Variants in NBEAL1 observed in about 807,000 individuals in gnomAD.
NBEAL1 encodes neurobeachin-like protein 1.
NBEAL1 carries 273 observed loss-of-function variants against 351.3 expected under a neutral mutation model. The observed-to-expected ratio is 0.78, with a 90% confidence interval of 0.70 to 0.86. The LOEUF is 0.86. NBEAL1 is among the 40% of genes least tolerant of loss of function. The pLI is 0.00. For synonymous variants in NBEAL1, 1,050 were observed against 1,086.4 expected, an observed-to-expected ratio of 0.97 and a Z score of 0.66; for missense variants, 2,961 against 3,201.3, an observed-to-expected ratio of 0.92 and a Z score of 1.81.
chr2:203,114,272 T>C (rs1300753195), intron 17 of NBEAL1, among the ~76,000 whole-genome samples: 1 of 152,094 alleles, frequency 6.6e-6, no homozygotes, highest in Non-Finnish European at 1.5e-5. Flanking sequence ...GGGGACATAG[T>C]CAGTCCATAA....
chr2:203,056,914 G>A (rs1017008501), intron 5 of NBEAL1, among the ~76,000 whole-genome samples: 10 of 152,132 alleles, frequency 6.6e-5, no homozygotes, highest in African/African-American at 1.2e-4. Flanking sequence ...ATTTTCAGAC[G>A]AGGTAATAAT....
intron 25 of NBEAL1, among the ~76,000 whole-genome samples, chr2:203,131,071 A>G (rs1395252762): frequency 6.6e-6 from 1 of 152,226 alleles, no homozygotes; most frequent in Non-Finnish European, 1.5e-5. Context: ...TGCAAACTAC[A>G]TGGTTTGTTT....
chr2:203,211,974 G>T (rs555610053), intron 54 of NBEAL1, among the ~76,000 whole-genome samples: 40 of 152,070 alleles, frequency 2.6e-4, no homozygotes, highest in African/African-American at 9.4e-4. Context: ...TGCAGCCTCT[G>T]CCTCCAGGTT....
Position 203,136,630 on chromosome 2 carries a change from C to G in NBEAL1, c.4421C>G (p.Thr1474Arg), listed in dbSNP as rs1160190717. The change falls in exon 29 of 56, where the codon ACA becomes AGA. Residue 1474 changes from threonine (T) to arginine (R), a missense_variant. Coordinates refer to ENST00000683969, the MANE Select transcript of NBEAL1 (RefSeq NM_001378026.1). ...RCEEELLQLL[T>R]HILNYVMCKG... ...GAGGAGGAGCTTCTTCAATTACTGA[C>G]ACATATTTTGAATTATGTAATGTGT... 1 of 1,610,726 alleles carries G rather than the reference C, an allele frequency of 6.2e-7. No homozygotes were observed. The highest frequency in any genetic ancestry group is 1.1e-5 in the South Asian group (1 of 90,388).
intron 2 of NBEAL1, among the ~76,000 whole-genome samples, chr2:203,026,796 A>G (rs1457996899): frequency 1.3e-5 from 2 of 152,220 alleles, no homozygotes; most frequent in Non-Finnish European, 2.9e-5. Flanking sequence ...TACAGGCGTG[A>G]GCCACAGCCA....
At chr2:203,104,252 T>G (rs1466933975) in intron 12 of NBEAL1, among the ~76,000 whole-genome samples, 2 of 152,248 alleles carry the variant, frequency 1.3e-5, no homozygotes, top group African/African-American at 2.4e-5. Flanking sequence ...TATATATATT[T>G]AAGATAGTTA....
intron 42 of NBEAL1, among the ~76,000 whole-genome samples, chr2:203,178,988 T>C (rs2064613442): frequency 6.6e-6 from 1 of 152,250 alleles, no homozygotes; most frequent in South Asian, 2.1e-4. Flanking sequence ...TGAAATGTTT[T>C]AGATGGTCAG....
At chr2:203,171,131 G>A (rs1414825565) in intron 39 of NBEAL1, among the ~76,000 whole-genome samples, 1 of 152,002 alleles carries the variant, frequency 6.6e-6, no homozygotes, top group Non-Finnish European at 1.5e-5. Flanking sequence ...GGTGGTGGGT[G>A]CCTGTAATCC....
chr2:203,096,442 G>A (rs1019277810), intron 10 of NBEAL1, among the ~76,000 whole-genome samples: 1 of 152,072 alleles, frequency 6.6e-6, no homozygotes, highest in Admixed American at 6.6e-5. Context: ...TCCTTAGCAT[G>A]CTCTTAATAA....
At chr2:203,209,707 AT>A in intron 53 of NBEAL1, among the ~76,000 whole-genome samples, 2 of 47,814 alleles carry the variant, frequency 4.2e-5, no homozygotes, top group Admixed American at 2.2e-4. Flanking sequence ...TATTTATTTA[AT>A]TAATATGTGT....
chr2:203,130,540 A>G (rs1013365975), intron 25 of NBEAL1, 64 bp downstream of exon 25: 7 of 1,085,588 alleles, frequency 6.4e-6, no homozygotes, highest in Non-Finnish European at 8.5e-6. Context: ...ATTTTCTTGC[A>G]ATATATCCAT....
At chr2:203,093,840 G>T (rs140482082) in intron 10 of NBEAL1, among the ~76,000 whole-genome samples, 5,308 of 152,012 alleles carry the variant, frequency 0.035, 300 homozygotes, top group African/African-American at 0.12. Flanking sequence ...GCAGGACTCT[G>T]TCTCAAAAAA....
intron 6 of NBEAL1, among the ~76,000 whole-genome samples, chr2:203,058,434 T>G (rs1421097153): frequency 6.6e-6 from 1 of 152,160 alleles, no homozygotes; most frequent in Non-Finnish European, 1.5e-5. Flanking sequence ...AGGAAACAGC[T>G]ACTCTCCCTG....
chr2:203,157,505 T>C (rs1447535061), intron 35 of NBEAL1, among the ~76,000 whole-genome samples, 194 bp from the exon 36 acceptor site: 2 of 152,130 alleles, frequency 1.3e-5, no homozygotes, highest in Non-Finnish European at 2.9e-5. Context: ...TTATTCTTTT[T>C]ACCTTATGAA....
chr2:203,191,854 G>T (rs1195842921), intron 46 of NBEAL1, among the ~76,000 whole-genome samples: 2 of 152,184 alleles, frequency 1.3e-5, no homozygotes, highest in South Asian at 4.2e-4. Flanking sequence ...ATGTTCTTAT[G>T]GGCCTTTATT....
intron 2 of NBEAL1, among the ~76,000 whole-genome samples, chr2:203,032,512 T>G (rs2060965744): frequency 6.6e-6 from 1 of 150,980 alleles, no homozygotes; most frequent in Non-Finnish European, 1.5e-5. Flanking sequence ...AAAAAAAGAT[T>G]AGCCGGGCGT....
chr2:203,116,368 C>T (rs2062698081), intron 18 of NBEAL1, among the ~76,000 whole-genome samples: 1 of 152,088 alleles, frequency 6.6e-6, no homozygotes, highest in Non-Finnish European at 1.5e-5. Flanking sequence ...TTTGTATTCT[C>T]ATAGTTTACT....
intron 11 of NBEAL1, among the ~76,000 whole-genome samples, chr2:203,099,144 C>T (rs868187456): frequency 2.6e-5 from 4 of 151,886 alleles, no homozygotes; most frequent in Admixed American, 6.6e-5. Context: ...GGCATGGTGA[C>T]GCATGCCTGT....
Position 203,149,111 on chromosome 2 carries a change from C to G in NBEAL1, c.5425C>G (p.Leu1809Val), listed in dbSNP as rs915513947. 12 of 1,607,328 alleles carry G rather than the reference C, an allele frequency of 7.5e-6. No individual in the cohort carries two copies. Among genetic ancestry groups the G allele is most frequent in the Non-Finnish European group, 8.5e-6 (10 of 1,175,998 alleles). The change falls in exon 34 of 56, where the codon CTC (leucine) becomes GTC (valine). Residue 1809 changes from leucine (L) to valine (V), a missense_variant. Coordinates refer to ENST00000683969, the MANE Select transcript of NBEAL1 (RefSeq NM_001378026.1). ...ATLRRWKAIQ[L>V]YLTCERGPWA... ...TCTTAGACGCTGGAAAGCAATACAG[C>G]TCTATCTTACATGTGAAAGGGGACC...
Sources: gnomAD v4.1 joint callset for allele counts (sites outside exome capture counted in the v4.1 genomes callset) on GRCh38, gnomAD v4.1.1 for gene constraint, MANE v1.5 for transcripts, NCBI Gene and HGNC (gene_info 2026-07-23, HGNC 2026-07-21) for gene names.